Variants in CCSER1 observed in about 807,000 individuals in gnomAD.
The protein encoded by CCSER1 is coiled-coil serine rich protein 1, also known as serine-rich coiled-coil domain-containing protein 1.
CCSER1 carries 41 observed loss-of-function variants against 82.0 expected under a neutral mutation model. The ratio of observed to expected loss-of-function variants is 0.50; its 90% CI spans 0.39 to 0.65. The LOEUF (loss-of-function observed/expected upper bound fraction) is 0.65, where lower values mean the gene tolerates loss of function less well. Ranked by LOEUF, CCSER1 falls within the 30% of genes least tolerant of loss-of-function variation. The pLI, the probability that CCSER1 is intolerant of heterozygous loss-of-function variation, is 0.00. For synonymous variants in CCSER1, 414 were observed against 383.9 expected (o/e 1.08, Z -0.92); for missense variants, 1,119 against 1,064.2 (o/e 1.05, Z -0.72).
intron 7 of CCSER1, among the ~76,000 whole-genome samples, chr4:90,777,275 T>G (rs1046275969): frequency 3.5e-5 from 5 of 141,980 alleles, no homozygotes; most frequent in African/African-American, 1.3e-4. Context: ...GAGAATCGCT[T>G]GAACCTGGGA....
intron 1 of CCSER1, among the ~76,000 whole-genome samples, chr4:90,206,433 T>G (rs532782352): frequency 6.6e-6 from 1 of 152,314 alleles, no homozygotes; most frequent in African/African-American, 2.4e-5. Flanking sequence ...ACTTATTTAT[T>G]TCTACCTTAA....
intron 10 of CCSER1, among the ~76,000 whole-genome samples, chr4:91,574,034 T>G (rs1763319074): frequency 6.6e-6 from 1 of 152,210 alleles, no homozygotes; most frequent in Admixed American, 6.5e-5. Flanking sequence ...GAACAATATC[T>G]ATTGTTCCAT....
intron 10 of CCSER1, among the ~76,000 whole-genome samples, chr4:91,167,569 A>G (rs1240959625): frequency 6.6e-6 from 1 of 152,208 alleles, no homozygotes; most frequent in Non-Finnish European, 1.5e-5. Flanking sequence ...AACTTACTTT[A>G]TGTAAATCCG....
At chr4:90,683,551 G>T (rs1446797654) in intron 6 of CCSER1, among the ~76,000 whole-genome samples, 1 of 151,994 alleles carries the variant, frequency 6.6e-6, no homozygotes, top group Non-Finnish European at 1.5e-5. Context: ...AAAAGAACTT[G>T]CAAAAGAAAT....
rs149177656 is a variant in CCSER1 at position 90,935,773 on chromosome 4, C to G, written c.2172+12326C>G. On this transcript the variant is annotated intron_variant, in intron 9 of 10. Transcript: ENST00000509176. Reference sequence around the variant, plus strand: ...GGATTGCTATTAGATGTAATGAAAACTTATTTACATGAACAGTTTAGAGGT... The same window carrying G: ...GGATTGCTATTAGATGTAATGAAAAGTTATTTACATGAACAGTTTAGAGGT... Among the ~76,000 whole-genome samples the G allele has an allele frequency of 5.2e-3, 794 of 152,096 alleles. 3 individuals carry two copies. Among genetic ancestry groups the G allele is most frequent in the Non-Finnish European group, 6.9e-3 (468 of 67,982 alleles).
At chr4:91,337,785 T>C (rs1288273132) in intron 10 of CCSER1, among the ~76,000 whole-genome samples, 1 of 152,142 alleles carries the variant, frequency 6.6e-6, no homozygotes, top group Non-Finnish European at 1.5e-5. Context: ...ACTAACATTT[T>C]TATATTTATT....
At chr4:90,410,467 A>C (rs1754552960) in intron 4 of CCSER1, among the ~76,000 whole-genome samples, 1 of 152,232 alleles carries the variant, frequency 6.6e-6, no homozygotes, top group Admixed American at 6.5e-5. Flanking sequence ...AGAACTCAGC[A>C]CTAAGAAACT....
At chr4:91,475,749 T>C (rs1267934959) in intron 10 of CCSER1, among the ~76,000 whole-genome samples, 1 of 151,854 alleles carries the variant, frequency 6.6e-6, no homozygotes, top group Non-Finnish European at 1.5e-5. Flanking sequence ...CTATAACTTA[T>C]TCATTCCATC....
rs116257230 is a variant in CCSER1 at position 90,984,668 on chromosome 4, G to A, written c.2172+61221G>A. ...AGTGGTGTCAAATTAGCACTAAGAG[G>A]GGGAAAAATTGAAAGAAATACTAAG... On this transcript the variant is annotated intron_variant, in intron 9 of 10. Transcript: ENST00000509176. 8.1e-3 allele frequency among the ~76,000 whole-genome samples: 1,232 copies of A among 151,742 alleles called. 26 individuals are homozygous for A. Among genetic ancestry groups the A allele is most frequent in the African/African-American group, 0.028 (1,178 of 41,462 alleles).
chr4:90,706,668 C>T (rs937460614), intron 6 of CCSER1, among the ~76,000 whole-genome samples: 16 of 152,130 alleles, frequency 1.1e-4, no homozygotes, highest in African/African-American at 2.2e-4. Context: ...TGAAGTAAAC[C>T]GTTGATTATC....
chr4:90,887,612 G>A (rs149039013), intron 8 of CCSER1, among the ~76,000 whole-genome samples: 1,936 of 152,274 alleles, frequency 0.013, 37 homozygotes, highest in African/African-American at 0.044. Flanking sequence ...GGCCAGGCAC[G>A]TTGGCTCACG....
At chr4:90,634,773 C>T (rs1019838060) in intron 6 of CCSER1, among the ~76,000 whole-genome samples, 2 of 151,804 alleles carry the variant, frequency 1.3e-5, no homozygotes, top group East Asian at 3.8e-4. Flanking sequence ...AATCAGAATT[C>T]TCTTTATACT....
intron 10 of CCSER1, among the ~76,000 whole-genome samples, chr4:91,442,813 G>T (rs1755273927): frequency 6.6e-6 from 1 of 151,164 alleles, no homozygotes; most frequent in Non-Finnish European, 1.5e-5. Context: ...GTGGGCAAAG[G>T]ACATGAACAG....
chr4:91,069,482 T>A (rs1325569977), intron 9 of CCSER1, among the ~76,000 whole-genome samples: 2 of 152,164 alleles, frequency 1.3e-5, no homozygotes, highest in Non-Finnish European at 2.9e-5. Flanking sequence ...TTCAGTTCAT[T>A]TAATTAATAT....
At chr4:90,263,749 G>T (rs1289205970) in intron 1 of CCSER1, among the ~76,000 whole-genome samples, 3 of 152,138 alleles carry the variant, frequency 2.0e-5, no homozygotes, top group Non-Finnish European at 4.4e-5. Context: ...CTCAGGTGAT[G>T]GGTGGAGCTA....
At chr4:91,076,982 G>T (rs78619168) in intron 9 of CCSER1, among the ~76,000 whole-genome samples, 2 of 152,168 alleles carry the variant, frequency 1.3e-5, no homozygotes, top group Admixed American at 6.5e-5. Context: ...CTAGAAATCC[G>T]CATAGGGCCT....
chr4:91,307,177 A>G (rs760644238), intron 10 of CCSER1, among the ~76,000 whole-genome samples: 57 of 152,066 alleles, frequency 3.7e-4, no homozygotes, highest in Non-Finnish European at 6.6e-4. Context: ...TTAACTCTTA[A>G]TAAAATATTT....
At chr4:90,405,906 C>G (rs1400121539) in intron 4 of CCSER1, among the ~76,000 whole-genome samples, 2 of 151,870 alleles carry the variant, frequency 1.3e-5, no homozygotes, top group African/African-American at 4.8e-5. Context: ...AAAAGAGAAA[C>G]TCCTTAAAGC....
At chr4:90,666,553 G>A (rs1180398976) in intron 6 of CCSER1, among the ~76,000 whole-genome samples, 2 of 152,212 alleles carry the variant, frequency 1.3e-5, no homozygotes, top group Admixed American at 6.5e-5. Context: ...AGGATGAGTA[G>A]AGGATGATAC....
Sources: gnomAD v4.1 joint callset for allele counts (sites outside exome capture counted in the v4.1 genomes callset) on GRCh38, gnomAD v4.1.1 for gene constraint, MANE v1.5 for transcripts, NCBI Gene and HGNC (gene_info 2026-07-23, HGNC 2026-07-21) for gene names.